The following SDK2 variants were observed in gnomAD, a reference collection of about 807,000 sequenced individuals.
SDK2 encodes sidekick cell adhesion molecule 2.
A neutral mutation model predicts 253.9 loss-of-function variants in SDK2; 105 were observed. The observed-to-expected ratio is 0.41, with a 90% CI of 0.35 to 0.49. SDK2 has a LOEUF of 0.49. Among genes scored for constraint, SDK2 ranks in the 20% least tolerant of loss-of-function variants. The pLI is 0.06. For synonymous variants in SDK2, 1,249 were observed against 1,234.9 expected, an observed-to-expected ratio of 1.01 and a Z score of -0.24; for missense variants, 2,608 against 3,003.0, an observed-to-expected ratio of 0.87 and a Z score of 3.07.
At chr17:73,594,134 G>A (rs947909127) in intron 1 of SDK2, among the ~76,000 whole-genome samples, 5 of 152,168 alleles carry the variant, frequency 3.3e-5, no homozygotes, top group Non-Finnish European at 7.3e-5. Context: ...GCCTCCCAAC[G>A]TCTGGGAGCC....
intron 44 of SDK2, among the ~76,000 whole-genome samples, chr17:73,345,902 A>G (rs913780431): frequency 3.9e-5 from 6 of 152,158 alleles, no homozygotes; most frequent in Non-Finnish European, 8.8e-5. Context: ...TGCATAATAA[A>G]TAGTACAGAA....
chr17:73,588,284 G>A (rs760102952), intron 1 of SDK2, among the ~76,000 whole-genome samples: 1 of 151,068 alleles, frequency 6.6e-6, no homozygotes, highest in Non-Finnish European at 1.5e-5. Context: ...CTACTCGGGA[G>A]GGGGAGGCAG....
Position 73,431,759 on chromosome 17 carries a change from C to A in SDK2, c.1313-90G>T, listed in dbSNP as rs1270924641. The A allele has an allele frequency of 5.3e-6, 7 of 1,332,208 alleles. No homozygotes were observed. The highest frequency in any genetic ancestry group is 3.0e-5 in the African/African-American group (2 of 67,226). The allele number at this position is 1,332,208 out of a possible 1,614,324, so 82.5% of individuals were successfully genotyped here. A position where few individuals can be genotyped will look rare whatever the true frequency, so the allele number is the denominator to read the frequency against. ...CCGCTCCAGGGCAGCATGGTCCCCC[C>A]ACAGGCCCCTGGCTCTGGAAATGCT... On this transcript the variant is annotated intron_variant, in intron 10 of 44. Transcript: ENST00000392650. This position sits in a 1 kb window ranked among gnomAD's most constrained non-coding sequence, Gnocchi z 5.6.
At chr17:73,469,981 T>TGCGCGCGCGCGC (rs10622822) in intron 3 of SDK2, among the ~76,000 whole-genome samples, 41 of 129,596 alleles carry the variant, frequency 3.2e-4, no homozygotes, top group African/African-American at 1.1e-3. Flanking sequence ...CATTTGCGAC[T>TGCGCGCGCGCGC]GCGCGCGCGC....
At chr17:73,365,646 C>A (rs1599487952) in intron 37 of SDK2, among the ~76,000 whole-genome samples, 1 of 152,114 alleles carries the variant, frequency 6.6e-6, no homozygotes, top group East Asian at 1.9e-4. Context: ...CCTCAAGTTG[C>A]AGAATTCAGG....
At chr17:73,367,153 G>A (rs887423107) in intron 37 of SDK2, among the ~76,000 whole-genome samples, 3 of 151,714 alleles carry the variant, frequency 2.0e-5, no homozygotes, top group Non-Finnish European at 4.4e-5. Context: ...GGAGAAGGGT[G>A]CACCACCATG....
At chr17:73,538,538 A>G (rs939356799) in intron 1 of SDK2, among the ~76,000 whole-genome samples, 2 of 152,214 alleles carry the variant, frequency 1.3e-5, no homozygotes, top group Non-Finnish European at 2.9e-5. Flanking sequence ...TAAGTAAATT[A>G]AATGTGCACA....
intron 3 of SDK2, among the ~76,000 whole-genome samples, chr17:73,461,044 C>T (rs2063559334): frequency 6.6e-6 from 1 of 152,196 alleles, no homozygotes; most frequent in Non-Finnish European, 1.5e-5. Context: ...TCACCCTGGC[C>T]CTCCCCATGC....
In SDK2 at chr17:73,639,502, T is replaced by C. The variant is rs4789235; in HGVS notation, c.64+4523A>G. Among the ~76,000 whole-genome samples, 55,346 of 152,150 alleles carry C rather than the reference T, an allele frequency of 0.36. 10,362 individuals are homozygous for C. Among genetic ancestry groups the C allele is most frequent in the African/African-American group, 0.45 (18,737 of 41,506 alleles). ...TTCCTTTCCATTACAGGCAGTGGGC[T>C]GCAGCCGCCAGTTGCTGCTGGCCCA... is the stretch of plus-strand genomic sequence containing the variant. On this transcript the variant is annotated intron_variant, in intron 1 of 44. Coordinates refer to ENST00000392650, the MANE Select transcript of SDK2 (RefSeq NM_001144952.2). This position sits in a 1 kb window ranked among gnomAD's most constrained non-coding sequence, Gnocchi z 4.3.
rs780461665 is a variant in SDK2, at chr17:73,402,090, G to A, written c.2536C>T (p.Arg846Trp). ...QEEEVTMVTA[R>W]PNFQDSIHVG... Reference sequence around the variant, plus strand: ...TGGATGCTGTCTTGAAAGTTAGGCCGGGCGGTCACCATGGTAACCTCCTCT... The same window carrying A: ...TGGATGCTGTCTTGAAAGTTAGGCCAGGCGGTCACCATGGTAACCTCCTCT... Residue 846 changes from arginine (R) to tryptophan (W), a missense_variant, in exon 19 of 45, where the codon CGG becomes TGG. By Grantham distance (101) the Arg-to-Trp change is moderately radical. Around this residue, in one of 2 missense-constraint regions of SDK2, gnomAD observed 1,505 missense variants for 1,859.1 expected, o/e 0.81. Coordinates refer to ENST00000392650, the MANE Select transcript of SDK2 (RefSeq NM_001144952.2). 1.9e-6 allele frequency: 3 copies of A among 1,614,030 alleles called. No individual in the cohort carries two copies. Among genetic ancestry groups the A allele is most frequent in the African/African-American group, 1.3e-5 (1 of 75,066 alleles).
intron 3 of SDK2, among the ~76,000 whole-genome samples, chr17:73,469,563 G>A (rs914898156): frequency 2.0e-5 from 3 of 152,186 alleles, no homozygotes; most frequent in Non-Finnish European, 2.9e-5. Context: ...TTGCTTGCTC[G>A]CCCTGCAGAT....
chr17:73,541,737 C>T lies in SDK2; in HGVS notation c.65-34140G>A, dbSNP rs1295123735. Among the ~76,000 whole-genome samples the T allele has an allele frequency of 3.9e-5, 6 of 152,214 alleles. No individual in the cohort carries two copies. Among genetic ancestry groups the T allele is most frequent in the African/African-American group, 7.2e-5 (3 of 41,454 alleles). On this transcript the variant is annotated intron_variant, in intron 1 of 44. Transcript: ENST00000392650. The surrounding 1 kb of genome is among the most constrained non-coding windows in gnomAD (Gnocchi z 4.3). ...AGGAAGGGGGCGCGGGGCGGAGTCACGCTGAGTGACAGGAATGTGCAGACG... is the reference window on the plus strand; with the variant it reads ...AGGAAGGGGGCGCGGGGCGGAGTCATGCTGAGTGACAGGAATGTGCAGACG...
intron 1 of SDK2, among the ~76,000 whole-genome samples, chr17:73,594,690 CAT>C (rs1375552699): frequency 6.6e-6 from 1 of 152,150 alleles, no homozygotes; most frequent in Non-Finnish European, 1.5e-5. Flanking sequence ...ACATAGCACA[CAT>C]ATGCACACAA....
intron 1 of SDK2, among the ~76,000 whole-genome samples, chr17:73,556,797 C>T (rs891525565): frequency 6.6e-6 from 1 of 152,112 alleles, no homozygotes; most frequent in African/African-American, 2.4e-5. Flanking sequence ...TGAGCTCTGC[C>T]CTGTATTGCT....
chr17:73,552,178 A>G (rs1168098445), intron 1 of SDK2, among the ~76,000 whole-genome samples: 3 of 152,212 alleles, frequency 2.0e-5, no homozygotes, highest in African/African-American at 4.8e-5. Flanking sequence ...AAAAAACAAT[A>G]AAGAGAAAGC....
At position 73,618,938 on chromosome 17, in the gene SDK2, G is replaced by A. The variant is rs751789408; in HGVS notation, c.64+25087C>T. On this transcript the variant is annotated intron_variant, in intron 1 of 44. Transcript: ENST00000392650. The surrounding 1 kb of genome is among the most constrained non-coding windows in gnomAD (Gnocchi z 4.1). ...TCCCAGCACTTTGGGAGGCCAAGGC[G>A]GGTGGATCACTTGAGGTCAGGAGTT... is the stretch of plus-strand genomic sequence containing the variant. 3.3e-5 allele frequency among the ~76,000 whole-genome samples: 5 copies of A among 152,236 alleles called. No homozygotes were observed. The highest frequency in any genetic ancestry group is 1.9e-4 in the East Asian group (1 of 5,180).
At chr17:73,523,911 C>T (rs781518570) in intron 1 of SDK2, among the ~76,000 whole-genome samples, 1 of 152,214 alleles carries the variant, frequency 6.6e-6, no homozygotes, top group Non-Finnish European at 1.5e-5. Context: ...GAGAGCCTTA[C>T]TGGACCTGGT....
rs887634530 is a variant in SDK2 at position 73,430,625 on chromosome 17, A to G, written c.1481-12T>C. On this transcript the variant is annotated splice_polypyrimidine_tract_variant and intron_variant, in intron 11 of 44. Coordinates refer to ENST00000392650, the MANE Select transcript of SDK2 (RefSeq NM_001144952.2). ...GATGCGGGTCCGAGCTGAAAGATAC[A>G]GCGGAGACAGCATGGTGAGAAGAGG... The G allele has an allele frequency of 5.3e-6, 8 of 1,518,894 alleles. No homozygotes were observed. The highest frequency in any genetic ancestry group is 7.1e-6 in the Non-Finnish European group (8 of 1,128,518). 94.1% of individuals were successfully genotyped at this position (1,518,894 alleles called of 1,614,324 possible). A position where few individuals can be genotyped will look rare whatever the true frequency, so the allele number is the denominator to read the frequency against.
In SDK2 at chr17:73,570,469, A is replaced by T. The variant is rs2045369025; in HGVS notation, c.65-62872T>A. ...GTGCCGCTTTGCCATTTGCCACTAG[A>T]TTAGCCCAAAAATCAAAAAGAGGGG... On this transcript the variant is annotated intron_variant, in intron 1 of 44. Transcript: ENST00000392650. This position sits in a 1 kb window ranked among gnomAD's most constrained non-coding sequence, Gnocchi z 4.2. 6.6e-6 allele frequency among the ~76,000 whole-genome samples: 1 copy of T among 152,052 alleles called. No homozygotes were observed. Among genetic ancestry groups the T allele is most frequent in the African/African-American group, 2.4e-5 (1 of 41,384 alleles).
Sources: gnomAD v4.1 joint callset for allele counts (sites outside exome capture counted in the v4.1 genomes callset) on GRCh38, gnomAD v4.1.1 for gene constraint, gnomAD v4.1.1 regional missense constraint, Gnocchi (gnomAD v3.1) non-coding constraint, MANE v1.5 for transcripts, NCBI Gene and HGNC (gene_info 2026-07-23, HGNC 2026-07-21) for gene names.